Variants in INTS2 observed in about 807,000 individuals in gnomAD.
The protein encoded by INTS2 is integrator complex subunit 2.
INTS2 carries 57 observed loss-of-function variants against 139.6 expected under a neutral mutation model. The observed-to-expected ratio is 0.41, with a 90% CI of 0.33 to 0.51. INTS2 has a LOEUF of 0.51. Among genes scored for constraint, INTS2 ranks in the 20% least tolerant of loss-of-function variants. The probability of loss-of-function intolerance (pLI) is 0.28; values close to 1 mark genes in which losing one functional copy is unlikely to be tolerated. For missense variants in INTS2, 1,196 were observed against 1,436.7 expected, an observed-to-expected ratio of 0.83 and a Z score of 2.71; for synonymous variants, 473 against 493.4, an observed-to-expected ratio of 0.96 and a Z score of 0.55.
At chr17:61,914,659 C>T (rs1012498645) in intron 5 of INTS2, among the ~76,000 whole-genome samples, 8 of 148,728 alleles carry the variant, frequency 5.4e-5, no homozygotes, top group Admixed American at 1.4e-4. Flanking sequence ...GCCGAGATTG[C>T]GCCACTGCAT....
At chr17:61,903,997 C>T (rs893089468) in intron 9 of INTS2, among the ~76,000 whole-genome samples, 2 of 152,056 alleles carry the variant, frequency 1.3e-5, no homozygotes, top group African/African-American at 4.8e-5. Flanking sequence ...AAAGACACTG[C>T]TTCTAAGAAA....
rs1000599453 is a variant in INTS2, at chr17:61,897,332, T to C, written c.1494+137A>G. The C allele has an allele frequency of 1.2e-5, 7 of 572,278 alleles. No homozygotes were observed. The African/African-American group carries it at 1.3e-4, about 11-fold the overall frequency. 35.5% of individuals were successfully genotyped at this position (572,278 alleles called of 1,614,324 possible). On this transcript the variant is annotated intron_variant, in intron 11 of 24. Transcript: ENST00000251334. The surrounding 1 kb of genome is among the most constrained non-coding windows in gnomAD (Gnocchi z 4.4). ...TAGTAAATACAGGTTTCAAAATGCA[T>C]TTTTCTAAGCGCTCTTGATAAAACT...
At chr17:61,914,760 C>A (rs1282016095) in intron 5 of INTS2, among the ~76,000 whole-genome samples, 1 of 150,516 alleles carries the variant, frequency 6.6e-6, no homozygotes, top group African/African-American at 2.5e-5. Context: ...GGTAGCCTCA[C>A]TCACTCAAGA....
chr17:61,868,092 C>T lies in INTS2; in HGVS notation c.3245-83G>A. 8.6e-6 allele frequency: 10 copies of T among 1,160,746 alleles called. No individual in the cohort carries two copies. The highest frequency in any genetic ancestry group is 1.7e-5 in the South Asian group (1 of 58,342). The allele number at this position is 1,160,746 out of a possible 1,614,324, so 71.9% of individuals were successfully genotyped here. On this transcript the variant is annotated intron_variant, in intron 23 of 24. Transcript: ENST00000251334. The surrounding 1 kb of genome is among the most constrained non-coding windows in gnomAD (Gnocchi z 4.7). ...ACACAACATACTAAGGGGAACTATG[C>T]TCTGTGCTGGAGATATGAAGTTCTC...
At position 61,893,731 on chromosome 17, in the gene INTS2, A is replaced by G. The variant is rs1340266026; in HGVS notation, c.1698+34T>C. ...AATATATATATAAAAATGTAGGGGC[A>G]TGCTTTTATTTTGTTTTATTTGTAG... is the stretch of plus-strand genomic sequence containing the variant. On this transcript the variant is annotated intron_variant, in intron 13 of 24. Transcript: ENST00000251334. The surrounding 1 kb of genome is among the most constrained non-coding windows in gnomAD (Gnocchi z 5.4). The G allele has an allele frequency of 1.4e-6, 2 of 1,466,100 alleles. No homozygotes were observed. The highest frequency in any genetic ancestry group is 1.4e-5 in the African/African-American group (1 of 69,676). The allele number at this position is 1,466,100 out of a possible 1,614,324, so 90.8% of individuals were successfully genotyped here.
rs375037017 is a variant in INTS2 at position 61,876,478 on chromosome 17, T to C, written c.2456+1409A>G. ...AAAAATAGTGTTTCTTTTGTTTTTT[T>C]TTGAGACAGGGTTTCAGTGGCACGA... On this transcript the variant is annotated intron_variant, in intron 18 of 24. Transcript: ENST00000251334. This position sits in a 1 kb window ranked among gnomAD's most constrained non-coding sequence, Gnocchi z 4.1. 1.3e-5 allele frequency among the ~76,000 whole-genome samples: 2 copies of C among 152,026 alleles called. No homozygotes were observed. The highest frequency in any genetic ancestry group is 4.8e-5 in the African/African-American group (2 of 41,428).
intron 3 of INTS2, 57 bp from the exon 4 acceptor site, chr17:61,921,884 T>C: frequency 1.1e-6 from 1 of 882,812 alleles, no homozygotes; most frequent in Non-Finnish European, 1.8e-6. Flanking sequence ...ATTAAATCCC[T>C]ATTTTTATAA....
intron 15 of INTS2, among the ~76,000 whole-genome samples, chr17:61,887,959 G>A (rs988740191): frequency 1.3e-5 from 2 of 152,144 alleles, no homozygotes; most frequent in Non-Finnish European, 2.9e-5. Context: ...GGCTGAAGCA[G>A]AAGAATCGTT....
chr17:61,872,424 C>T lies in INTS2; in HGVS notation c.2619G>A (p.Leu873=). The T allele has an allele frequency of 6.2e-7, 1 of 1,610,636 alleles. No individual in the cohort carries two copies. ...CTTTAGATGCAAGAAGATATCCATT[C>T]AACATGTGTAGGGTAATATCCATCA... ...PPLMDITLHM[L]NGYLLASKAY... is the part of the protein sequence containing the mutation. The change falls in exon 20 of 25, where the codon TTG becomes TTA. Residue 873 remains leucine (L), a synonymous_variant. Coordinates refer to ENST00000251334, the MANE Select transcript of INTS2 (RefSeq NM_001351695.2). This position sits in a 1 kb window ranked among gnomAD's most constrained non-coding sequence, Gnocchi z 4.8.
chr17:61,906,456 C>T lies in INTS2; in HGVS notation c.1181+952G>A, dbSNP rs1192685077. On this transcript the variant is annotated intron_variant, in intron 8 of 24. Coordinates refer to ENST00000251334, the MANE Select transcript of INTS2 (RefSeq NM_001351695.2). ...AAGAAGTGAGGCCATTGGTCACTAACCATGATGTACATCTGTTATTTACTT... is the reference window on the plus strand; with the variant it reads ...AAGAAGTGAGGCCATTGGTCACTAATCATGATGTACATCTGTTATTTACTT... 2.0e-5 allele frequency among the ~76,000 whole-genome samples: 3 copies of T among 152,126 alleles called. No homozygotes were observed. The East Asian group carries it at 5.8e-4, about 29-fold the overall frequency.
intron 11 of INTS2, among the ~76,000 whole-genome samples, chr17:61,896,181 A>G (rs1208396770): frequency 6.8e-6 from 1 of 147,238 alleles, no homozygotes; most frequent in Non-Finnish European, 1.5e-5. Flanking sequence ...CGGAGCTTGC[A>G]GTGAGCCGAG....
At chr17:61,883,002 T>A (rs1264379358) in intron 16 of INTS2, among the ~76,000 whole-genome samples, 6 of 152,190 alleles carry the variant, frequency 3.9e-5, no homozygotes, top group Non-Finnish European at 7.3e-5. Flanking sequence ...TTGATGTTTC[T>A]GTGTTTGAAA....
chr17:61,921,885 A>G (rs146946449), intron 3 of INTS2, 58 bp from the exon 4 acceptor site: 271 of 868,284 alleles, frequency 3.1e-4, no homozygotes, highest in Non-Finnish European at 4.3e-4. Flanking sequence ...TTAAATCCCT[A>G]TTTTTATAAT....
At chr17:61,892,871 T>C (rs1047501522) in intron 13 of INTS2, among the ~76,000 whole-genome samples, 5 of 149,174 alleles carry the variant, frequency 3.4e-5, no homozygotes, top group African/African-American at 1.2e-4. Context: ...GGGGAATCAC[T>C]TGAACCCAGG....
chr17:61,916,363 G>T (rs1006016057), intron 5 of INTS2, among the ~76,000 whole-genome samples: 1 of 152,174 alleles, frequency 6.6e-6, no homozygotes, highest in African/African-American at 2.4e-5. Context: ...GAACCCAGCA[G>T]GCAGAGCTGC....
Position 61,927,783 on chromosome 17 carries a change from G to C in INTS2, c.-148C>G. 2 of 1,591,932 alleles carry C rather than the reference G, an allele frequency of 1.3e-6. No individual in the cohort carries two copies. Among genetic ancestry groups the C allele is most frequent in the Non-Finnish European group, 1.7e-6 (2 of 1,168,906 alleles). On this transcript the variant is annotated 5_prime_UTR_variant, in exon 1 of 25. Transcript: ENST00000251334. ...ATATCCGGAACCCCAAACCCTAGTTGTGCCTCGAGTCGACTCGGACACCAA... is the reference window on the plus strand; with the variant it reads ...ATATCCGGAACCCCAAACCCTAGTTCTGCCTCGAGTCGACTCGGACACCAA...
At position 61,868,393 on chromosome 17, in the gene INTS2, T is replaced by C. The variant is rs2079063139; in HGVS notation, c.3245-384A>G. 6.6e-6 allele frequency among the ~76,000 whole-genome samples: 1 copy of C among 152,126 alleles called. No individual in the cohort carries two copies. On this transcript the variant is annotated intron_variant, in intron 23 of 24. Transcript: ENST00000251334. This position sits in a 1 kb window ranked among gnomAD's most constrained non-coding sequence, Gnocchi z 4.7. ...GATTGAATTCAGGCAGTGTAAACTC[T>C]TAATCACTACAAATAATTATAACAG...
chr17:61,915,536 A>C (rs147390144), intron 5 of INTS2, among the ~76,000 whole-genome samples: 23,581 of 145,528 alleles, frequency 0.16, 2,355 homozygotes, highest in East Asian at 0.54. Flanking sequence ...AAAAAAAAAA[A>C]GTCCGGGCGC....
intron 17 of INTS2, among the ~76,000 whole-genome samples, chr17:61,880,111 T>G (rs1183633222): frequency 6.6e-6 from 1 of 152,156 alleles, no homozygotes; most frequent in African/African-American, 2.4e-5. Flanking sequence ...TGGTGCAACC[T>G]TGGCTCACTG....
Sources: gnomAD v4.1 joint callset for allele counts (sites outside exome capture counted in the v4.1 genomes callset) on GRCh38, gnomAD v4.1.1 for gene constraint, Gnocchi (gnomAD v3.1) non-coding constraint, MANE v1.5 for transcripts, NCBI Gene and HGNC (gene_info 2026-07-23, HGNC 2026-07-21) for gene names.